MTMR6: variants seen among roughly 807,000 people sequenced by gnomAD.
MTMR6 encodes phosphatidylinositol-3,5-bisphosphate 3-phosphatase MTMR6.
MTMR6 carries 47 observed loss-of-function variants against 80.1 expected under a neutral mutation model. The ratio of observed to expected loss-of-function variants is 0.59; its 90% confidence interval spans 0.46 to 0.75. The LOEUF (loss-of-function observed/expected upper bound fraction) is 0.75. MTMR6 is among the 30% of genes least tolerant of loss of function. The pLI is 0.00. For synonymous variants in MTMR6, 254 were observed against 253.0 expected, an observed-to-expected ratio of 1.00 and a Z score of -0.04; for missense variants, 629 against 730.9, an observed-to-expected ratio of 0.86 and a Z score of 1.61.
At chr13:25,262,903 T>C (rs192153102) in intron 5 of MTMR6, among the ~76,000 whole-genome samples, 2 of 152,322 alleles carry the variant, frequency 1.3e-5, no homozygotes, top group African/African-American at 2.4e-5. Context: ...AGCCCAACTT[T>C]CCAATAAACA....
chr13:25,264,994 T>C (rs1195937162), intron 5 of MTMR6, among the ~76,000 whole-genome samples: 3 of 152,110 alleles, frequency 2.0e-5, no homozygotes, highest in East Asian at 1.9e-4. Context: ...GACATACATG[T>C]AAACCATTTA....
intron 3 of MTMR6, among the ~76,000 whole-genome samples, chr13:25,266,896 A>C (rs1019499762): frequency 6.6e-6 from 1 of 152,210 alleles, no homozygotes; most frequent in African/African-American, 2.4e-5. Context: ...ACCAAAATCC[A>C]GTCCGACATA....
chr13:25,286,135 A>C (rs7982860), intron 1 of MTMR6, among the ~76,000 whole-genome samples: 131,373 of 152,090 alleles, frequency 0.86, 57,303 homozygotes, highest in East Asian at 0.98. Flanking sequence ...TAGTTTTCAG[A>C]ATCTTCAATT....
chr13:25,261,834 C>A, intron 5 of MTMR6, 32 bp from the exon 6 acceptor site: 4 of 1,566,318 alleles, frequency 2.6e-6, no homozygotes, highest in East Asian at 4.6e-5. Flanking sequence ...AGAGATTATG[C>A]AAAGATCTCT....
chr13:25,265,947 T>A lies in MTMR6; in HGVS notation c.463A>T (p.Ile155Phe), dbSNP rs1415062972. The A allele has an allele frequency of 1.9e-6, 3 of 1,612,932 alleles. No homozygotes were observed. The African/African-American group carries it at 4.0e-5, about 22-fold the overall frequency. ...QLSDANRDYK[I>F]CETYPRELYV... is the part of the protein sequence containing the mutation. The stretch of plus-strand genomic sequence containing the variant: ...AGTTCTCTGGGGTAAGTTTCACAAA[T>A]CTGTAAATATCAAACAAAACATAAC... Residue 155 changes from isoleucine to phenylalanine, a missense_variant and splice_region_variant, in exon 5 of 14, where the codon ATT (isoleucine) becomes TTT (phenylalanine). Coordinates refer to ENST00000381801, the MANE Select transcript of MTMR6 (RefSeq NM_004685.5).
chr13:25,262,038 C>G (rs1230100380), intron 5 of MTMR6, among the ~76,000 whole-genome samples: 1 of 152,086 alleles, frequency 6.6e-6, no homozygotes, highest in Non-Finnish European at 1.5e-5. Flanking sequence ...GATGAAGAAA[C>G]CTGGGTCCTA....
rs180923273 is a variant in MTMR6 at position 25,287,271 on chromosome 13, C to G, written c.-24G>C. The stretch of plus-strand genomic sequence containing the variant: ...ATCGCAAGGAGACGTCAGCCGGCAG[C>G]CGGTCTCACAGGCGTACCATACGGC... On this transcript the variant is annotated 5_prime_UTR_variant, in exon 1 of 14. Coordinates refer to ENST00000381801, the MANE Select transcript of MTMR6 (RefSeq NM_004685.5). 4 of 1,588,398 alleles carry G rather than the reference C, an allele frequency of 2.5e-6. No individual in the cohort carries two copies. The highest frequency in any genetic ancestry group is 1.7e-6 in the Non-Finnish European group (2 of 1,170,150).
Position 25,251,782 on chromosome 13 carries a change from G to T in MTMR6, c.1479-7C>A. 6.2e-7 allele frequency: 1 copy of T among 1,605,024 alleles called. No individual in the cohort carries two copies. The highest frequency in any genetic ancestry group is 1.1e-5 in the South Asian group (1 of 88,950). On this transcript the variant is annotated splice_region_variant and splice_polypyrimidine_tract_variant and intron_variant, in intron 12 of 13. Coordinates refer to ENST00000381801, the MANE Select transcript of MTMR6 (RefSeq NM_004685.5). The surrounding 1 kb of genome is among the most constrained non-coding windows in gnomAD (Gnocchi z 4.1). ...GTACATGTTCCTCCAAAACCTTTATGACAAAAAAAAGTTTCAATAAATTGT... is the reference window on the plus strand; with the variant it reads ...GTACATGTTCCTCCAAAACCTTTATTACAAAAAAAAGTTTCAATAAATTGT...
Position 25,249,066 on chromosome 13 carries a change from G to T in MTMR6, c.*166C>A. 1 of 659,164 alleles carries T rather than the reference G, an allele frequency of 1.5e-6. No homozygotes were observed. The highest frequency in any genetic ancestry group is 2.5e-6 in the Non-Finnish European group (1 of 402,560). The allele number at this position is 659,164 out of a possible 1,614,324, so 40.8% of individuals were successfully genotyped here. A position where few individuals can be genotyped will look rare whatever the true frequency, so the allele number is the denominator to read the frequency against. ...TCCTTGCTGGAAATGCAATTAAAATGACTTATTTCTCTCACAAGGGTAGTT... is the reference window on the plus strand; with the variant it reads ...TCCTTGCTGGAAATGCAATTAAAATTACTTATTTCTCTCACAAGGGTAGTT... On this transcript the variant is annotated 3_prime_UTR_variant, in exon 14 of 14. Transcript: ENST00000381801.
chr13:25,278,709 CAAAAAAAAAAA>C (rs57589187), intron 1 of MTMR6, among the ~76,000 whole-genome samples: 2 of 55,476 alleles, frequency 3.6e-5, no homozygotes, highest in Admixed American at 2.4e-4. Context: ...CAAGACTCTG[CAAAAAAAAAAA>C]AAAAAAAAAA....
At chr13:25,261,594 G>A in intron 6 of MTMR6, 74 bp downstream of exon 6, 14 of 1,273,970 alleles carry the variant, frequency 1.1e-5, no homozygotes, top group Non-Finnish European at 5.2e-6. Context: ...ATATGGGCAA[G>A]TTTATTAACT....
intron 1 of MTMR6, 24 bp from the exon 2 acceptor site, chr13:25,274,211 T>G: frequency 6.8e-7 from 1 of 1,467,850 alleles, no homozygotes; most frequent in Non-Finnish European, 9.4e-7. Flanking sequence ...AGATATTATT[T>G]CTCATTTCAA....
rs1246795398 is a variant in MTMR6, at chr13:25,251,771, A to C, written c.1483T>G (p.Trp495Gly). ...PNTVSFNFKF[W>G]RNMYHQFDRT... ...TCAAATTGATGGTACATGTTCCTCC[A>C]AAACCTTTATGACAAAAAAAAGTTT... Residue 495 changes from tryptophan to glycine, a missense_variant, in exon 13 of 14, where the codon TGG becomes GGG. Coordinates refer to ENST00000381801, the MANE Select transcript of MTMR6 (RefSeq NM_004685.5). This position sits in a 1 kb window ranked among gnomAD's most constrained non-coding sequence, Gnocchi z 4.1. 6.2e-7 allele frequency: 1 copy of C among 1,607,280 alleles called. No individual in the cohort carries two copies. The highest frequency in any genetic ancestry group is 1.3e-5 in the African/African-American group (1 of 74,444).
At chr13:25,262,658 T>C (rs1957365435) in intron 5 of MTMR6, among the ~76,000 whole-genome samples, 1 of 152,252 alleles carries the variant, frequency 6.6e-6, no homozygotes, top group Non-Finnish European at 1.5e-5. Context: ...TAAGCCATCA[T>C]GCCCAGCCTA....
rs577631883 is a variant in MTMR6 at position 25,253,939 on chromosome 13, T to C, written c.1171A>G (p.Lys391Glu). ...ERCGQLDGDP[K>E]EVSPVFTQFL... is the part of the protein sequence containing the mutation. ...TGAGTAAACACTGGTGAGACTTCCT[T>C]TGGGTCACCATCCAACTGGCCACAC... Residue 391 changes from lysine (K) to glutamate (E), a missense_variant, in exon 11 of 14, where the codon AAG becomes GAG. Coordinates refer to ENST00000381801, the MANE Select transcript of MTMR6 (RefSeq NM_004685.5). 1.9e-6 allele frequency: 3 copies of C among 1,614,154 alleles called. No individual in the cohort carries two copies. Among genetic ancestry groups the C allele is most frequent in the Non-Finnish European group, 2.5e-6 (3 of 1,180,014 alleles).
chr13:25,252,082 GATTTAA>G, intron 11 of MTMR6, 98 bp from the exon 12 acceptor site: 1 of 1,370,222 alleles, frequency 7.3e-7, no homozygotes, highest in Non-Finnish European at 1.0e-6. Context: ...TTCCGAAGCA[GATTTAA>G]ATTTTAGTTT....
intron 6 of MTMR6, among the ~76,000 whole-genome samples, chr13:25,258,969 A>G (rs1957276245): frequency 6.6e-6 from 1 of 152,186 alleles, no homozygotes; most frequent in East Asian, 1.9e-4. Flanking sequence ...GGCAGTTTCC[A>G]TATGTTTGTA....
At chr13:25,249,775 T>C (rs1013575169) in intron 13 of MTMR6, among the ~76,000 whole-genome samples, 4 of 152,194 alleles carry the variant, frequency 2.6e-5, no homozygotes, top group Non-Finnish European at 5.9e-5. Flanking sequence ...AATGGACATA[T>C]ATTACCTAGA....
chr13:25,269,133 G>A (rs1957514206), intron 2 of MTMR6, among the ~76,000 whole-genome samples: 1 of 152,148 alleles, frequency 6.6e-6, no homozygotes, highest in African/African-American at 2.4e-5. Context: ...CAGGAGGGAG[G>A]CTGAGGACCT....
Sources: allele counts gnomAD v4.1 joint callset (sites outside exome capture counted in the v4.1 genomes callset), GRCh38; gene constraint gnomAD v4.1.1; non-coding constraint Gnocchi (gnomAD v3.1); transcripts MANE v1.5; gene names NCBI Gene and HGNC (gene_info 2026-07-23, HGNC 2026-07-21).